CASZ1: variants seen among roughly 807,000 people sequenced by gnomAD.
The protein encoded by CASZ1 is zinc finger protein castor homolog 1.
A neutral mutation model predicts 135.2 loss-of-function variants in CASZ1; 28 were observed. That is an observed-to-expected ratio of 0.21 (90% CI 0.15 to 0.28). CASZ1 has a LOEUF of 0.28. Among genes scored for constraint, CASZ1 ranks in the 10% least tolerant of loss-of-function variants. The pLI is 1.00. For synonymous variants in CASZ1, 1,068 were observed against 1,073.4 expected, an observed-to-expected ratio of 0.99 and a Z score of 0.10; for missense variants, 2,161 against 2,453.3, an observed-to-expected ratio of 0.88 and a Z score of 2.52.
chr1:10,764,377 A>G (rs1254761582), intron 1 of CASZ1, among the ~76,000 whole-genome samples: 1 of 152,258 alleles, frequency 6.6e-6, no homozygotes, highest in Non-Finnish European at 1.5e-5. Flanking sequence ...GGGCACACTG[A>G]TAAGTGGCCT....
chr1:10,760,268 A>G (rs974814026), intron 2 of CASZ1, among the ~76,000 whole-genome samples: 1 of 152,216 alleles, frequency 6.6e-6, no homozygotes, highest in African/African-American at 2.4e-5. Context: ...ACTACTGTCC[A>G]GCCCTTCTAA....
chr1:10,742,531 C>T (rs866211508), intron 2 of CASZ1, among the ~76,000 whole-genome samples: 3 of 152,146 alleles, frequency 2.0e-5, no homozygotes, highest in African/African-American at 7.2e-5. Flanking sequence ...TTTCTCTCAA[C>T]TTGTCGCAGA....
At position 10,757,107 on chromosome 1, in the gene CASZ1, G is replaced by A. The variant is rs1319688736; in HGVS notation, c.-77+3594C>T. Among the ~76,000 whole-genome samples the A allele has an allele frequency of 2.6e-5, 4 of 152,206 alleles. No homozygotes were observed. Among genetic ancestry groups the A allele is most frequent in the South Asian group, 2.1e-4 (1 of 4,822 alleles). ...AAGCAGTTCCCTCCGCAAGGAGCCC[G>A]ACCCACTCAAACGAGCCTTTCTCAG... is the stretch of plus-strand genomic sequence containing the variant. On this transcript the variant is annotated intron_variant, in intron 2 of 20. Coordinates refer to ENST00000377022, the MANE Select transcript of CASZ1 (RefSeq NM_001079843.3). The surrounding 1 kb of genome is among the most constrained non-coding windows in gnomAD (Gnocchi z 4.6).
At chr1:10,665,033 T>A in intron 5 of CASZ1, 50 bp downstream of exon 5, 2 of 1,481,982 alleles carry the variant, frequency 1.3e-6, no homozygotes, top group Non-Finnish European at 1.8e-6. Flanking sequence ...CCTTCCCCAC[T>A]GGCCTCCCTG....
chr1:10,714,306 T>C (rs1316473455), intron 2 of CASZ1, among the ~76,000 whole-genome samples: 3 of 150,892 alleles, frequency 2.0e-5, no homozygotes, highest in Non-Finnish European at 3.0e-5. Context: ...AGACTCCATC[T>C]CAAAGAAAGA....
Position 10,653,464 on chromosome 1 carries a change from T to C in CASZ1, c.2593A>G (p.Arg865Gly). Reference sequence around the variant, plus strand: ...ATGAGGCCCTTGCTTGCAGAGATCCTCTCCATGATGGAGGCGGGTGGTGCC... The same window carrying C: ...ATGAGGCCCTTGCTTGCAGAGATCCCCTCCATGATGGAGGCGGGTGGTGCC... ...VPAPPASIME[R>G]ISASKGLISP... The change falls in exon 11 of 21, where the codon AGG becomes GGG. Residue 865 changes from arginine to glycine, a missense_variant. This residue lies in a region of CASZ1 where 406 missense variants were observed against 387.6 expected (regional missense o/e 1.05). Coordinates refer to ENST00000377022, the MANE Select transcript of CASZ1 (RefSeq NM_001079843.3). 1 of 1,613,226 alleles carries C rather than the reference T, an allele frequency of 6.2e-7. No individual in the cohort carries two copies. Among genetic ancestry groups the C allele is most frequent in the Non-Finnish European group, 8.5e-7 (1 of 1,179,940 alleles).
Position 10,653,905 on chromosome 1 carries a change from C to G in CASZ1, c.2152G>C (p.Glu718Gln). 1 of 1,613,594 alleles carries G rather than the reference C, an allele frequency of 6.2e-7. No homozygotes were observed. Among genetic ancestry groups the G allele is most frequent in the Non-Finnish European group, 8.5e-7 (1 of 1,179,762 alleles). ...ACAAGGTCGTCGTTGCTGGACTCCT[C>G]GTGCTCCGTGTCCTTGGCGCCCAGC... The part of the protein sequence containing the change: ...SLLGAKDTEH[E>Q]ESSNDDLVDF... Residue 718 changes from glutamate (E) to glutamine (Q), a missense_variant, in exon 11 of 21, where the codon GAG (glutamate) becomes CAG (glutamine). Physicochemically the swap from Glu to Gln is conservative, Grantham distance 29. Coordinates refer to ENST00000377022, the MANE Select transcript of CASZ1 (RefSeq NM_001079843.3).
chr1:10,639,081 T>C lies in CASZ1; in HGVS notation c.5141A>G (p.Asp1714Gly). ...CGACTCCTCCGAGTCGGTGCGCAGG[T>C]CCTCGTCGTCGTCGTCCTCGTCGTC... ...EDDDEDDDDE[D>G]LRTDSEESLP... Residue 1714 changes from aspartate to glycine, a missense_variant, in exon 21 of 21, where the codon GAC (aspartate) becomes GGC (glycine). Around this residue, in one of 7 missense-constraint regions of CASZ1, gnomAD observed 185 missense variants for 134.7 expected, o/e 1.37. Transcript: ENST00000377022. This position sits in a 1 kb window ranked among gnomAD's most constrained non-coding sequence, Gnocchi z 4.0. 2.6e-6 allele frequency: 3 copies of C among 1,140,042 alleles called. No individual in the cohort carries two copies. Among genetic ancestry groups the C allele is most frequent in the South Asian group, 2.0e-5 (1 of 48,982 alleles). 70.6% of individuals were successfully genotyped at this position (1,140,042 alleles called of 1,614,324 possible). A position where few individuals can be genotyped will look rare whatever the true frequency, so the allele number is the denominator to read the frequency against.
rs1050295248 is a variant in CASZ1 at position 10,648,735 on chromosome 1, C to T, written c.3158+335G>A. On this transcript the variant is annotated intron_variant, in intron 15 of 20. Transcript: ENST00000377022. The stretch of plus-strand genomic sequence containing the variant: ...CAGCTAGGGTTCCTGCTCCAGGTCA[C>T]AGCCGAGTCTCTCCAGCTGGGCTCT... 55 of 292,108 alleles carry T rather than the reference C, an allele frequency of 1.9e-4. No homozygotes were observed. The Admixed American group carries it at 2.5e-3, about 13-fold the overall frequency. The allele number at this position is 292,108 out of a possible 1,614,324, so 18.1% of individuals were successfully genotyped here.
intron 5 of CASZ1, among the ~76,000 whole-genome samples, chr1:10,663,716 G>A (rs1643128592): frequency 6.6e-6 from 1 of 152,232 alleles, no homozygotes; most frequent in Non-Finnish European, 1.5e-5. Flanking sequence ...CGAGCCCACA[G>A]AGGCAGCCAA....
intron 4 of CASZ1, among the ~76,000 whole-genome samples, chr1:10,674,585 G>A (rs1016352602): frequency 3.9e-5 from 6 of 152,254 alleles, no homozygotes; most frequent in Admixed American, 2.0e-4. Flanking sequence ...GTAACACAGC[G>A]TTGCTGAGGG....
intron 2 of CASZ1, among the ~76,000 whole-genome samples, chr1:10,745,460 A>G (rs1640022194): frequency 6.6e-6 from 1 of 152,178 alleles, no homozygotes; most frequent in South Asian, 2.1e-4. Flanking sequence ...AGAGGCAAAC[A>G]GCAAAAGGGG....
intron 2 of CASZ1, among the ~76,000 whole-genome samples, chr1:10,748,602 T>C (rs1255922702): frequency 2.0e-5 from 3 of 152,124 alleles, no homozygotes; most frequent in Admixed American, 6.6e-5. Flanking sequence ...AGAGCCCATC[T>C]CTCTCCATGG....
At position 10,653,448 on chromosome 1, in the gene CASZ1, T is replaced by C. The variant is rs1642666145; in HGVS notation, c.2609A>G (p.Lys870Arg). Residue 870 changes from lysine to arginine, a missense_variant, in exon 11 of 21, where the codon AAG becomes AGG. Lys to Arg is a conservative substitution (Grantham distance 26). Coordinates refer to ENST00000377022, the MANE Select transcript of CASZ1 (RefSeq NM_001079843.3). ...ASIMERISAS[K>R]GLISPMMARL... ...GGCCATCATGGGCGAGATGAGGCCCTTGCTTGCAGAGATCCTCTCCATGAT... is the reference window on the plus strand; with the variant it reads ...GGCCATCATGGGCGAGATGAGGCCCCTGCTTGCAGAGATCCTCTCCATGAT... 2 of 1,613,330 alleles carry C rather than the reference T, an allele frequency of 1.2e-6. No homozygotes were observed. Among genetic ancestry groups the C allele is most frequent in the Non-Finnish European group, 1.7e-6 (2 of 1,180,002 alleles).
rs1639287785 is a variant in CASZ1 at position 10,711,613 on chromosome 1, A to G, written c.-76-6069T>C. 6.6e-6 allele frequency among the ~76,000 whole-genome samples: 1 copy of G among 152,196 alleles called. No individual in the cohort carries two copies. Among genetic ancestry groups the G allele is most frequent in the East Asian group, 1.9e-4 (1 of 5,200 alleles). ...AAAAAAAAAAAAAAGAAAAACAAAC[A>G]AAACCTTGTGCATGAATGTTCATAG... On this transcript the variant is annotated intron_variant, in intron 2 of 20. Transcript: ENST00000377022. This position sits in a 1 kb window ranked among gnomAD's most constrained non-coding sequence, Gnocchi z 4.4.
chr1:10,648,896 T>C, intron 15 of CASZ1, 174 bp downstream of exon 15: 3 of 842,462 alleles, frequency 3.6e-6, no homozygotes, highest in South Asian at 1.7e-5. Context: ...GGCTGAGGGC[T>C]GCATGTGTGA....
rs1322488632 is a variant in CASZ1 at position 10,654,068 on chromosome 1, C to T, written c.1989G>A (p.Lys663=). ...ECKYEGCVYS[K]ATNHFHCIRA... ...GGATGCAGTGGAAGTGGTTGGTAGC[C>T]TTGCTGTACACGCAGCCCTCGTACT... Residue 663 remains lysine, a synonymous_variant, in exon 11 of 21, where the codon AAG becomes AAA. Coordinates refer to ENST00000377022, the MANE Select transcript of CASZ1 (RefSeq NM_001079843.3). 1.2e-6 allele frequency: 2 copies of T among 1,614,236 alleles called. No homozygotes were observed. The highest frequency in any genetic ancestry group is 2.2e-5 in the East Asian group (1 of 44,880).
At chr1:10,778,439 CAT>C (rs1199896299) in intron 1 of CASZ1, among the ~76,000 whole-genome samples, 2 of 152,122 alleles carry the variant, frequency 1.3e-5, no homozygotes, top group African/African-American at 2.4e-5. Context: ...CACACATCCT[CAT>C]ACAATCTCAT....
At chr1:10,792,233 T>TC in intron 1 of CASZ1, among the ~76,000 whole-genome samples, 1 of 147,256 alleles carries the variant, frequency 6.8e-6, no homozygotes. Context: ...TTTTTTTTTT[T>TC]AAGTGTGCTC....
Sources: allele counts gnomAD v4.1 joint callset (sites outside exome capture counted in the v4.1 genomes callset), GRCh38; gene constraint gnomAD v4.1.1; regional missense constraint gnomAD v4.1.1; non-coding constraint Gnocchi (gnomAD v3.1); transcripts MANE v1.5; gene names NCBI Gene and HGNC (gene_info 2026-07-23, HGNC 2026-07-21).